PPM1H: variants seen among roughly 807,000 people sequenced by gnomAD.
PPM1H encodes protein phosphatase, Mg2+/Mn2+ dependent 1H.
In PPM1H, 27 loss-of-function variants were observed where a neutral mutation model predicts 54.9. The observed-to-expected ratio is 0.49, with a 90% confidence interval of 0.36 to 0.68. The LOEUF is 0.68. PPM1H is among the 30% of genes least tolerant of loss of function. The pLI, the probability that PPM1H is intolerant of heterozygous loss-of-function variation, is 0.00. For synonymous variants in PPM1H, 305 were observed against 270.8 expected, an observed-to-expected ratio of 1.13 and a Z score of -1.24; for missense variants, 596 against 667.8, an observed-to-expected ratio of 0.89 and a Z score of 1.19.
intron 1 of PPM1H, among the ~76,000 whole-genome samples, chr12:62,839,938 T>A (rs914670067): frequency 5.3e-5 from 8 of 150,312 alleles, no homozygotes; most frequent in Non-Finnish European, 1.2e-4. Flanking sequence ...CTTGAGAGGC[T>A]GAGGTGAAAG....
At chr12:62,869,729 G>A (rs143325810) in intron 1 of PPM1H, among the ~76,000 whole-genome samples, 13 of 152,230 alleles carry the variant, frequency 8.5e-5, no homozygotes, top group Admixed American at 5.2e-4. Flanking sequence ...GCCTGAAACC[G>A]TGTATGAGCT....
At chr12:62,830,958 A>G (rs1201143461) in intron 2 of PPM1H, among the ~76,000 whole-genome samples, 1 of 152,010 alleles carries the variant, frequency 6.6e-6, no homozygotes, top group African/African-American at 2.4e-5. Context: ...GGTTCACGCC[A>G]TTCTCCTGCC....
In PPM1H at chr12:62,801,934, C is replaced by T; in HGVS notation, c.638G>A (p.Arg213His). ...GGAGCCCGGGGCCCCCACCCCTCCGCGCAGGGAGGCTGCCCGGGTCAGAGT... is the reference window on the plus strand; with the variant it reads ...GGAGCCCGGGGCCCCCACCCCTCCGTGCAGGGAGGCTGCCCGGGTCAGAGT... ...SRTLTRAASL[R>H]GGVGAPGSPS... Residue 213 changes from arginine to histidine, a missense_variant, in exon 3 of 10, where the codon CGC becomes CAC. Physicochemically the swap from Arg to His is conservative, Grantham distance 29. Transcript: ENST00000228705. 1 of 1,612,846 alleles carries T rather than the reference C, an allele frequency of 6.2e-7. No homozygotes were observed. The highest frequency in any genetic ancestry group is 1.7e-5 in the Admixed American group (1 of 59,936).
chr12:62,884,372 G>A (rs1870505261), intron 1 of PPM1H, among the ~76,000 whole-genome samples: 1 of 151,316 alleles, frequency 6.6e-6, no homozygotes, highest in Non-Finnish European at 1.5e-5. Context: ...ATAGTGGCAG[G>A]TGCCTGTAAT....
At chr12:62,696,775 A>G (rs937347178) in intron 6 of PPM1H, among the ~76,000 whole-genome samples, 1 of 152,172 alleles carries the variant, frequency 6.6e-6, no homozygotes, top group Non-Finnish European at 1.5e-5. Context: ...TACAGAGGAG[A>G]GAACTGAGCC....
intron 2 of PPM1H, 85 bp downstream of exon 2, chr12:62,832,029 T>C (rs999281132): frequency 1.4e-6 from 2 of 1,467,932 alleles, no homozygotes; most frequent in Non-Finnish European, 1.9e-6. Context: ...ATTCCAGATT[T>C]AGGTGAAGCC....
chr12:62,756,932 C>A (rs2076480109), intron 4 of PPM1H, among the ~76,000 whole-genome samples: 1 of 152,068 alleles, frequency 6.6e-6, no homozygotes, highest in Non-Finnish European at 1.5e-5. Context: ...AAGACAGCAT[C>A]TCCAAGGGCT....
At position 62,728,321 on chromosome 12, in the gene PPM1H, A is replaced by G. The variant is rs922398298; in HGVS notation, c.955-8032T>C. On this transcript the variant is annotated intron_variant, in intron 5 of 9. Transcript: ENST00000228705. ...AACATGGTTATATCTGGCCAGGAAC[A>G]AGGACACCTCTCAGGAAAGGATGCT... Among the ~76,000 whole-genome samples the G allele has an allele frequency of 3.3e-5, 5 of 152,348 alleles. No homozygotes were observed. In the East Asian group the frequency reaches 9.6e-4, roughly 29 times the overall value.
chr12:62,838,690 G>A (rs1026438525), intron 1 of PPM1H, among the ~76,000 whole-genome samples: 2 of 142,890 alleles, frequency 1.4e-5, no homozygotes, highest in Non-Finnish European at 3.0e-5. Flanking sequence ...GGGAGGCCGA[G>A]GCGGGCGGAT....
chr12:62,645,184 A>T lies in PPM1H; in HGVS notation c.*3305T>A, dbSNP rs1360863518. On this transcript the variant is annotated 3_prime_UTR_variant, in exon 10 of 10. Transcript: ENST00000228705. ...ACCCTTCCTGAATGGGGAAGATCTGAGGCTAAATCTGGATCCTGGGACTCT... is the reference window on the plus strand; with the variant it reads ...ACCCTTCCTGAATGGGGAAGATCTGTGGCTAAATCTGGATCCTGGGACTCT... 6.6e-6 allele frequency: 1 copy of T among 152,200 alleles called. No homozygotes were observed. Among genetic ancestry groups the T allele is most frequent in the Non-Finnish European group, 1.5e-5 (1 of 68,032 alleles). The allele number at this position is 152,200 out of a possible 1,614,324, so 9.4% of individuals were successfully genotyped here. A position where few individuals can be genotyped will look rare whatever the true frequency, so the allele number is the denominator to read the frequency against.
At chr12:62,834,224 T>A (rs1170345552) in intron 1 of PPM1H, among the ~76,000 whole-genome samples, 2 of 152,050 alleles carry the variant, frequency 1.3e-5, no homozygotes, top group Non-Finnish European at 2.9e-5. Context: ...GGCTGAGCAG[T>A]GGGGAAAGGG....
intron 1 of PPM1H, among the ~76,000 whole-genome samples, chr12:62,904,238 T>A (rs1441000173): frequency 6.6e-6 from 1 of 152,022 alleles, no homozygotes; most frequent in Admixed American, 6.6e-5. Context: ...TAGTTCTTCA[T>A]AAATTTTTTT....
intron 1 of PPM1H, among the ~76,000 whole-genome samples, chr12:62,913,023 G>C (rs1871507914): frequency 6.6e-6 from 1 of 152,156 alleles, no homozygotes; most frequent in African/African-American, 2.4e-5. Context: ...ATATGGTATG[G>C]GCAGGCAGAG....
chr12:62,775,612 A>C (rs1415731170), intron 4 of PPM1H, among the ~76,000 whole-genome samples: 3 of 147,356 alleles, frequency 2.0e-5, no homozygotes, highest in African/African-American at 7.8e-5. Flanking sequence ...TATATAAATG[A>C]GTGTGTACAC....
Position 62,648,345 on chromosome 12 carries a change from A to T in PPM1H, c.*144T>A. The T allele has an allele frequency of 2.0e-6, 2 of 1,003,954 alleles. No individual in the cohort carries two copies. The highest frequency in any genetic ancestry group is 3.3e-5 in the South Asian group (2 of 60,420). The allele number at this position is 1,003,954 out of a possible 1,614,324, so 62.2% of individuals were successfully genotyped here. ...GGAAACCAAAGGGTCATCTTGAAGC[A>T]TAGTCTTTTGGCCATGAACTCCCCG... On this transcript the variant is annotated 3_prime_UTR_variant, in exon 10 of 10. Transcript: ENST00000228705.
intron 8 of PPM1H, among the ~76,000 whole-genome samples, chr12:62,683,038 TA>T (rs1375326157): frequency 2.3e-3 from 75 of 32,718 alleles, no homozygotes; most frequent in East Asian, 4.6e-3. Flanking sequence ...TATTATTTAT[TA>T]TTATTATTAT....
At chr12:62,694,468 C>T (rs1180891820) in intron 6 of PPM1H, among the ~76,000 whole-genome samples, 9 of 152,180 alleles carry the variant, frequency 5.9e-5, no homozygotes, top group Admixed American at 5.2e-4. Flanking sequence ...CCTGTTTGTC[C>T]TCTATATAAT....
intron 2 of PPM1H, among the ~76,000 whole-genome samples, chr12:62,805,570 G>A (rs770050622): frequency 6.6e-6 from 1 of 152,154 alleles, no homozygotes; most frequent in Non-Finnish European, 1.5e-5. Flanking sequence ...AACCTGGAGG[G>A]CATTATGCTA....
intron 1 of PPM1H, among the ~76,000 whole-genome samples, chr12:62,900,342 A>G (rs991752518): frequency 2.0e-5 from 3 of 149,638 alleles, no homozygotes; most frequent in Non-Finnish European, 3.0e-5. Flanking sequence ...AAGGACATGA[A>G]CCCTTGGACA....
Sources: gnomAD v4.1 joint callset for allele counts (sites outside exome capture counted in the v4.1 genomes callset) on GRCh38, gnomAD v4.1.1 for gene constraint, MANE v1.5 for transcripts, NCBI Gene and HGNC (gene_info 2026-07-23, HGNC 2026-07-21) for gene names.